POLR3B: variants seen among roughly 807,000 people sequenced by gnomAD.
POLR3B encodes RNA polymerase III subunit B, also known as DNA-directed RNA polymerase III subunit RPC2.
Under a neutral mutation model 147.4 loss-of-function variants are expected in POLR3B, and 96 were observed. The observed-to-expected ratio is 0.65, with a 90% CI of 0.55 to 0.77. The LOEUF (loss-of-function observed/expected upper bound fraction) is 0.77, where lower values mean the gene tolerates loss of function less well. POLR3B is among the 30% of genes least tolerant of loss of function. The pLI, the probability that POLR3B is intolerant of heterozygous loss-of-function variation, is 0.00. For synonymous variants in POLR3B, 461 were observed against 485.9 expected (o/e 0.95, Z 0.67); for missense variants, 1,036 against 1,413.5 (o/e 0.73, Z 4.28).
At chr12:106,471,461 G>A (rs147010707) in intron 23 of POLR3B, among the ~76,000 whole-genome samples, 1,833 of 152,180 alleles carry the variant, frequency 0.012, 19 homozygotes, top group South Asian at 0.024. Flanking sequence ...CTTGCCTTCC[G>A]TGAGGTGCAC....
At chr12:106,387,015 A>C (rs2036849655) in intron 9 of POLR3B, among the ~76,000 whole-genome samples, 1 of 152,234 alleles carries the variant, frequency 6.6e-6, no homozygotes, top group African/African-American at 2.4e-5. Context: ...TCCTTTTTAG[A>C]ATAGGGCTGT....
intron 23 of POLR3B, among the ~76,000 whole-genome samples, chr12:106,465,599 G>A (rs1205598584): frequency 6.6e-6 from 1 of 152,120 alleles, no homozygotes; most frequent in Non-Finnish European, 1.5e-5. Flanking sequence ...TTCTCCTAAT[G>A]TTATCCCTCC....
chr12:106,378,908 C>T lies in POLR3B; in HGVS notation c.614+524C>T, dbSNP rs183823461. 5.9e-5 allele frequency among the ~76,000 whole-genome samples: 9 copies of T among 152,182 alleles called. No individual in the cohort carries two copies. In the East Asian group the frequency reaches 9.7e-4, roughly 16 times the overall value. ...CTTCTGTAACTTCTTTTTATTTTCA[C>T]GTGTAATTTGAAATATGGAGGTTAA... is the stretch of plus-strand genomic sequence containing the variant. On this transcript the variant is annotated intron_variant, in intron 8 of 27. Coordinates refer to ENST00000228347, the MANE Select transcript of POLR3B (RefSeq NM_018082.6).
chr12:106,413,471 TG>T (rs2037256704), intron 12 of POLR3B, among the ~76,000 whole-genome samples: 1 of 152,158 alleles, frequency 6.6e-6, no homozygotes, highest in Non-Finnish European at 1.5e-5. Flanking sequence ...GTTCATGCCA[TG>T]TACCTTATAG....
At chr12:106,403,952 A>T (rs1341517924) in intron 10 of POLR3B, among the ~76,000 whole-genome samples, 3 of 152,134 alleles carry the variant, frequency 2.0e-5, no homozygotes, top group African/African-American at 7.2e-5. Flanking sequence ...CCTAAAACTT[A>T]AAGTGTAATA....
intron 7 of POLR3B, among the ~76,000 whole-genome samples, chr12:106,377,476 A>T (rs757166396): frequency 2.0e-5 from 3 of 152,166 alleles, no homozygotes; most frequent in Non-Finnish European, 4.4e-5. Context: ...ACTTTATCCT[A>T]CTCTGAATTG....
At chr12:106,407,680 T>G (rs367806828) in intron 11 of POLR3B, among the ~76,000 whole-genome samples, 2 of 152,186 alleles carry the variant, frequency 1.3e-5, no homozygotes, top group East Asian at 3.9e-4. Context: ...AAACACAAAA[T>G]TAGCCAGGTG....
intron 11 of POLR3B, among the ~76,000 whole-genome samples, chr12:106,408,961 G>A (rs2037185178): frequency 6.6e-6 from 1 of 152,210 alleles, no homozygotes. Flanking sequence ...ACCTCTAATC[G>A]AGTGGCATTA....
At chr12:106,457,854 C>G (rs1490306262) in intron 21 of POLR3B, among the ~76,000 whole-genome samples, 3 of 152,158 alleles carry the variant, frequency 2.0e-5, no homozygotes, top group Non-Finnish European at 2.9e-5. Flanking sequence ...GGAAGATCAG[C>G]ATGGCTTTCC....
rs2038490057 is a variant in POLR3B, at chr12:106,496,615, G to A, written c.2818-137G>A. On this transcript the variant is annotated intron_variant, in intron 24 of 27. Transcript: ENST00000228347. ...AGAGGCGTAAAATTAGATCACACATGTCAAGCTTAAATACTGCTTCTATTA... is the reference window on the plus strand; with the variant it reads ...AGAGGCGTAAAATTAGATCACACATATCAAGCTTAAATACTGCTTCTATTA... The A allele has an allele frequency of 7.8e-6, 6 of 769,494 alleles. No individual in the cohort carries two copies. The South Asian group carries it at 9.3e-5, about 12-fold the overall frequency. 47.7% of individuals were successfully genotyped at this position (769,494 alleles called of 1,614,324 possible).
intron 9 of POLR3B, among the ~76,000 whole-genome samples, chr12:106,390,825 G>T (rs763665971): frequency 3.3e-5 from 5 of 152,100 alleles, no homozygotes; most frequent in Non-Finnish European, 5.9e-5. Context: ...TATTCATTGG[G>T]AATTTAAGAC....
chr12:106,377,378 G>A (rs1398334307), intron 7 of POLR3B, among the ~76,000 whole-genome samples: 2 of 152,160 alleles, frequency 1.3e-5, no homozygotes, highest in Non-Finnish European at 2.9e-5. Flanking sequence ...TGAAGAATGT[G>A]ACTTTACTAG....
chr12:106,434,824 T>C (rs974955348), intron 16 of POLR3B, among the ~76,000 whole-genome samples: 1 of 152,150 alleles, frequency 6.6e-6, no homozygotes, highest in Non-Finnish European at 1.5e-5. Flanking sequence ...TCATTTTCTT[T>C]TGAGGACTGC....
chr12:106,364,044 G>T, intron 2 of POLR3B, 142 bp downstream of exon 2: 1 of 676,642 alleles, frequency 1.5e-6, no homozygotes, highest in Non-Finnish European at 2.6e-6. Flanking sequence ...GGAATTATAA[G>T]GTAAAATCCC....
intron 27 of POLR3B, chr12:106,507,561 A>G (rs1183965535): frequency 1.1e-5 from 3 of 266,240 alleles, no homozygotes; most frequent in African/African-American, 6.9e-5. Context: ...CACATTAAAA[A>G]CGTAATTTTT....
At chr12:106,368,551 A>G (rs550893268) in intron 4 of POLR3B, among the ~76,000 whole-genome samples, 2 of 152,192 alleles carry the variant, frequency 1.3e-5, no homozygotes, top group Admixed American at 6.5e-5. Flanking sequence ...AAAATTTTTC[A>G]ATCCTAGACT....
chr12:106,358,349 GGTAAAA>G, intron 1 of POLR3B: 3 of 696,810 alleles, frequency 4.3e-6, no homozygotes, highest in Non-Finnish European at 5.7e-6. Flanking sequence ...CGGCTGTGGG[GGTAAAA>G]CCAGATCGTC....
chr12:106,376,235 T>G (rs1321171243), intron 6 of POLR3B, 124 bp from the exon 7 acceptor site: 6 of 715,844 alleles, frequency 8.4e-6, no homozygotes, highest in Non-Finnish European at 1.5e-5. Flanking sequence ...TTTCTCTGCC[T>G]TTTCTAACAT....
At chr12:106,435,168 C>T (rs570951844) in intron 16 of POLR3B, among the ~76,000 whole-genome samples, 1 of 151,660 alleles carries the variant, frequency 6.6e-6, no homozygotes, top group South Asian at 2.1e-4. Flanking sequence ...CACTTTGTCA[C>T]CCAGGCTGCA....
Sources: gnomAD v4.1 joint callset for allele counts (sites outside exome capture counted in the v4.1 genomes callset) on GRCh38, gnomAD v4.1.1 for gene constraint, MANE v1.5 for transcripts, NCBI Gene and HGNC (gene_info 2026-07-23, HGNC 2026-07-21) for gene names.